VAV2: variants seen among roughly 807,000 people sequenced by gnomAD.
The protein encoded by VAV2 is vav guanine nucleotide exchange factor 2, also known as guanine nucleotide exchange factor VAV2.
A neutral mutation model predicts 132.5 loss-of-function variants in VAV2; 67 were observed. The observed-to-expected ratio is 0.51, with a 90% CI of 0.42 to 0.62. The LOEUF is 0.62. Ranked by LOEUF, VAV2 falls within the 20% of genes least tolerant of loss-of-function variation. VAV2 has a pLI of 0.00. For synonymous variants in VAV2, 492 were observed against 443.5 expected (o/e 1.11, Z -1.37); for missense variants, 938 against 1,153.6 (o/e 0.81, Z 2.71).
At chr9:133,790,854 C>A (rs1834429255) in intron 13 of VAV2, among the ~76,000 whole-genome samples, 1 of 152,158 alleles carries the variant, frequency 6.6e-6, no homozygotes, top group African/African-American at 2.4e-5. Flanking sequence ...CGGGGACCTT[C>A]CCCTGCCAGC....
intron 3 of VAV2, among the ~76,000 whole-genome samples, chr9:133,845,919 G>A (rs1836916749): frequency 6.6e-6 from 1 of 152,206 alleles, no homozygotes; most frequent in East Asian, 1.9e-4. Flanking sequence ...TCCCAGGACA[G>A]CCTGGTCAAG....
In VAV2 at chr9:133,928,505, G is replaced by T. The variant is rs1403271630; in HGVS notation, c.321+10598C>A. On this transcript the variant is annotated intron_variant, in intron 2 of 29. Coordinates refer to ENST00000371850, the MANE Select transcript of VAV2 (RefSeq NM_001134398.2). The surrounding 1 kb of genome is among the most constrained non-coding windows in gnomAD (Gnocchi z 5.4). ...ACGTCTCACTGCCAGCATTAAGGCA[G>T]GGAGTGCAAATGAACTCACCGCAGC... Among the ~76,000 whole-genome samples, 1 of 152,182 alleles carries T rather than the reference G, an allele frequency of 6.6e-6. No individual in the cohort carries two copies. Among genetic ancestry groups the T allele is most frequent in the East Asian group, 1.9e-4 (1 of 5,186 alleles).
chr9:133,864,653 T>G (rs1167654716), intron 2 of VAV2, among the ~76,000 whole-genome samples: 1 of 152,234 alleles, frequency 6.6e-6, no homozygotes, highest in Non-Finnish European at 1.5e-5. Flanking sequence ...CCTGGGAATC[T>G]GCATTTATAG....
At chr9:133,846,248 G>A (rs1836929672) in intron 3 of VAV2, among the ~76,000 whole-genome samples, 1 of 152,142 alleles carries the variant, frequency 6.6e-6, no homozygotes, top group Non-Finnish European at 1.5e-5. Context: ...TCGGAGAGCA[G>A]CCCTGGGTCA....
intron 2 of VAV2, among the ~76,000 whole-genome samples, chr9:133,916,693 G>C (rs1487963726): frequency 1.3e-5 from 2 of 152,178 alleles, no homozygotes; most frequent in Non-Finnish European, 2.9e-5. Flanking sequence ...GCTCACGGCT[G>C]GGCCTCCAGG....
At chr9:133,792,928 A>C (rs1461444869) in intron 12 of VAV2, among the ~76,000 whole-genome samples, 1 of 151,946 alleles carries the variant, frequency 6.6e-6, no homozygotes, top group African/African-American at 2.4e-5. Flanking sequence ...GTCCCTCTTA[A>C]ACATCCTAAT....
intron 25 of VAV2, among the ~76,000 whole-genome samples, chr9:133,773,986 T>C (rs1318403398): frequency 6.6e-6 from 1 of 152,214 alleles, no homozygotes; most frequent in African/African-American, 2.4e-5. Context: ...AGCTCCATTA[T>C]AATCTTACGG....
At chr9:133,839,059 G>A (rs557061987) in intron 3 of VAV2, among the ~76,000 whole-genome samples, 20 of 151,970 alleles carry the variant, frequency 1.3e-4, no homozygotes, top group African/African-American at 4.8e-4. Flanking sequence ...TGAATGGATG[G>A]ATGGGCGAGT....
At chr9:133,916,810 AG>A (rs33971865) in intron 2 of VAV2, among the ~76,000 whole-genome samples, 134,188 of 152,122 alleles carry the variant, frequency 0.88, 61,353 homozygotes, top group East Asian at 1. Flanking sequence ...GGGACTGTTT[AG>A]GTCAAGGGGT....
Position 133,914,988 on chromosome 9 carries a change from G to A in VAV2, c.321+24115C>T, listed in dbSNP as rs561297459. ...AGCGGCATCAAACCCAGGACAGCTC[G>A]CACGGGGGGAAGGACCTGGGAGGGA... is the stretch of plus-strand genomic sequence containing the variant. On this transcript the variant is annotated intron_variant, in intron 2 of 29. Transcript: ENST00000371850. Among the ~76,000 whole-genome samples the A allele has an allele frequency of 6.6e-5, 10 of 152,186 alleles. No individual in the cohort carries two copies. In the South Asian group the frequency reaches 8.3e-4, roughly 13 times the overall value.
intron 9 of VAV2, among the ~76,000 whole-genome samples, chr9:133,803,746 T>C (rs1040121227): frequency 1.9e-4 from 29 of 152,206 alleles, no homozygotes; most frequent in African/African-American, 5.1e-4. Context: ...GCCAGGACCC[T>C]GTCACAAAGC....
intron 1 of VAV2, among the ~76,000 whole-genome samples, chr9:133,970,764 G>C (rs983237643): frequency 6.6e-6 from 1 of 152,192 alleles, no homozygotes; most frequent in Non-Finnish European, 1.5e-5. Flanking sequence ...GTGTCAAATG[G>C]TCTCGTCTGT....
intron 1 of VAV2, among the ~76,000 whole-genome samples, chr9:133,978,167 T>C (rs1384793543): frequency 6.6e-6 from 1 of 152,196 alleles, no homozygotes; most frequent in Non-Finnish European, 1.5e-5. Context: ...CTGGGGAAAC[T>C]GCCCTCCCTG....
rs1445442842 is a variant in VAV2 at position 133,879,876 on chromosome 9, C to T, written c.322-18444G>A. On this transcript the variant is annotated intron_variant, in intron 2 of 29. Coordinates refer to ENST00000371850, the MANE Select transcript of VAV2 (RefSeq NM_001134398.2). The surrounding 1 kb of genome is among the most constrained non-coding windows in gnomAD (Gnocchi z 4.4). Reference sequence around the variant, plus strand: ...GACGAAGCTCTGGCATCCAGATTTGCTTCCAAGCGGTTTTACCTTGATGAC... The same window carrying T: ...GACGAAGCTCTGGCATCCAGATTTGTTTCCAAGCGGTTTTACCTTGATGAC... Among the ~76,000 whole-genome samples, 1 of 152,246 alleles carries T rather than the reference C, an allele frequency of 6.6e-6. No individual in the cohort carries two copies. Among genetic ancestry groups the T allele is most frequent in the African/African-American group, 2.4e-5 (1 of 41,460 alleles).
chr9:133,879,737 C>A lies in VAV2; in HGVS notation c.322-18305G>T, dbSNP rs1838412238. On this transcript the variant is annotated intron_variant, in intron 2 of 29. Transcript: ENST00000371850. This position sits in a 1 kb window ranked among gnomAD's most constrained non-coding sequence, Gnocchi z 4.4. ...GAACCTATCCGAGAATCCCTACCGCCTTGCGAGCTGCAAGTCCGATCTGTG... is the reference window on the plus strand; with the variant it reads ...GAACCTATCCGAGAATCCCTACCGCATTGCGAGCTGCAAGTCCGATCTGTG... Among the ~76,000 whole-genome samples the A allele has an allele frequency of 6.6e-6, 1 of 152,158 alleles. No homozygotes were observed. The highest frequency in any genetic ancestry group is 1.5e-5 in the Non-Finnish European group (1 of 68,020).
At chr9:133,893,834 C>T (rs1013316907) in intron 2 of VAV2, among the ~76,000 whole-genome samples, 17 of 151,998 alleles carry the variant, frequency 1.1e-4, no homozygotes, top group South Asian at 2.1e-4. Context: ...ACCCACCGCA[C>T]CTGACCCACA....
intron 2 of VAV2, among the ~76,000 whole-genome samples, chr9:133,910,502 C>G (rs946787764): frequency 2.6e-5 from 4 of 152,070 alleles, no homozygotes; most frequent in South Asian, 4.1e-4. Context: ...TCCCCAGAGT[C>G]ACACAGCTAG....
intron 1 of VAV2, among the ~76,000 whole-genome samples, chr9:133,982,127 A>G (rs1268427903): frequency 6.6e-6 from 1 of 152,214 alleles, no homozygotes; most frequent in African/African-American, 2.4e-5. Flanking sequence ...GCCTCTAAGC[A>G]GATGGCAGCA....
chr9:133,860,109 T>G (rs1837537943), intron 3 of VAV2, among the ~76,000 whole-genome samples: 1 of 152,136 alleles, frequency 6.6e-6, no homozygotes, highest in Non-Finnish European at 1.5e-5. Context: ...GAGACCATCC[T>G]GGCTAACATG....
Sources: allele counts gnomAD v4.1 joint callset (sites outside exome capture counted in the v4.1 genomes callset), GRCh38; gene constraint gnomAD v4.1.1; non-coding constraint Gnocchi (gnomAD v3.1); transcripts MANE v1.5; gene names NCBI Gene and HGNC (gene_info 2026-07-23, HGNC 2026-07-21).